The following REDIC1 variants were observed in gnomAD, a reference collection of about 807,000 sequenced individuals.
The protein encoded by REDIC1 is regulator of DNA class I crossover intermediates 1.
chr12:39,786,268 C>T, the REDIC1 span, among the ~76,000 whole-genome samples: 5 of 152,078 alleles, frequency 3.3e-5, no homozygotes, highest in African/African-American at 9.6e-5. Context: ...CTCGTGATAG[C>T]GAATAAGTCT....
the REDIC1 span, among the ~76,000 whole-genome samples, chr12:39,796,290 G>C: frequency 6.6e-6 from 1 of 151,754 alleles, no homozygotes; most frequent in African/African-American, 2.4e-5. Context: ...TTGGAATGTG[G>C]GCAGAAATAC....
chr12:39,742,855 TAG>T, the REDIC1 span, among the ~76,000 whole-genome samples: 3 of 152,032 alleles, frequency 2.0e-5, no homozygotes, highest in African/African-American at 7.2e-5. Context: ...GACAGATGGA[TAG>T]AGAGAATTAC....
chr12:39,759,108 G>GACTC, the REDIC1 span: 1 of 152,348 alleles, frequency 6.6e-6, no homozygotes, highest in East Asian at 1.9e-4. Context: ...GAAATAGTAG[G>GACTC]ACTCCAAGGC....
chr12:39,714,271 A>T, the REDIC1 span, among the ~76,000 whole-genome samples: 19,630 of 33,922 alleles, frequency 0.58, 5,566 homozygotes, highest in Middle Eastern at 0.75. Context: ...GCATATATGT[A>T]TATATGTATA....
At chr12:39,663,565 A>C in the REDIC1 span, among the ~76,000 whole-genome samples, 1 of 151,992 alleles carries the variant, frequency 6.6e-6, no homozygotes, top group African/African-American at 2.4e-5. Flanking sequence ...GGGAAATTTT[A>C]ATCAGTTTAC....
chr12:39,773,392 G>A, the REDIC1 span, among the ~76,000 whole-genome samples: 1 of 152,140 alleles, frequency 6.6e-6, no homozygotes, highest in Non-Finnish European at 1.5e-5. Context: ...TTCCAATCAT[G>A]GAATACACAG....
chr12:39,647,607 G>C, the REDIC1 span, among the ~76,000 whole-genome samples: 1 of 152,028 alleles, frequency 6.6e-6, no homozygotes, highest in Non-Finnish European at 1.5e-5. Context: ...CTTCAGTATA[G>C]CCTTCACTGG....
the REDIC1 span, among the ~76,000 whole-genome samples, chr12:39,783,320 G>A: frequency 1.2e-4 from 18 of 152,132 alleles, no homozygotes; most frequent in African/African-American, 2.7e-4. Context: ...GAATAGTGCC[G>A]CAATAAACAT....
At chr12:39,682,882 A>T in the REDIC1 span, 1 of 1,612,740 alleles carries the variant, frequency 6.2e-7, no homozygotes, top group Non-Finnish European at 8.5e-7. Context: ...GAAAACATTT[A>T]ACAAGTGTGA....
At chr12:39,706,986 C>A in the REDIC1 span, among the ~76,000 whole-genome samples, 1 of 151,624 alleles carries the variant, frequency 6.6e-6, no homozygotes, top group Non-Finnish European at 1.5e-5. Context: ...GGAACCAAAG[C>A]AAAAATGGAC....
the REDIC1 span, among the ~76,000 whole-genome samples, chr12:39,851,743 T>G: frequency 6.6e-6 from 1 of 152,240 alleles, no homozygotes; most frequent in Non-Finnish European, 1.5e-5. Flanking sequence ...ATATGGAATA[T>G]TTAAGACATG....
At chr12:39,783,369 T>C in the REDIC1 span, among the ~76,000 whole-genome samples, 1 of 152,310 alleles carries the variant, frequency 6.6e-6, no homozygotes, top group East Asian at 1.9e-4. Context: ...GATTTATAAT[T>C]CTTTGGGTAT....
At chr12:39,702,036 A>G in the REDIC1 span, among the ~76,000 whole-genome samples, 4 of 152,114 alleles carry the variant, frequency 2.6e-5, no homozygotes, top group Non-Finnish European at 4.4e-5. Context: ...AGAACTAGAA[A>G]AGCAAGAGCA....
chr12:39,779,053 TC>T, the REDIC1 span, among the ~76,000 whole-genome samples: 1 of 152,044 alleles, frequency 6.6e-6, no homozygotes, highest in African/African-American at 2.4e-5. Context: ...TGAGACACTT[TC>T]CCCCAGGAAG....
At chr12:39,659,112 G>A in the REDIC1 span, among the ~76,000 whole-genome samples, 16 of 151,868 alleles carry the variant, frequency 1.1e-4, no homozygotes, top group Non-Finnish European at 2.2e-4. Flanking sequence ...TTGTATATTT[G>A]CAAATTTCTG....
At chr12:39,701,512 C>A in the REDIC1 span, among the ~76,000 whole-genome samples, 1 of 152,106 alleles carries the variant, frequency 6.6e-6, no homozygotes, top group Admixed American at 6.5e-5. Context: ...ACCCCACTGT[C>A]AACATTAGAC....
the REDIC1 span, among the ~76,000 whole-genome samples, chr12:39,672,867 A>T: frequency 3.3e-5 from 5 of 152,144 alleles, no homozygotes; most frequent in Admixed American, 6.5e-5. Context: ...CTGGGCTATC[A>T]AATGATGCCC....
the REDIC1 span, among the ~76,000 whole-genome samples, chr12:39,853,022 T>A: frequency 6.6e-6 from 1 of 152,202 alleles, no homozygotes; most frequent in Admixed American, 6.5e-5. Context: ...GGAGTTTACT[T>A]TTGTTTCAGT....
chr12:39,843,986 C>T, the REDIC1 span, among the ~76,000 whole-genome samples: 4 of 151,880 alleles, frequency 2.6e-5, no homozygotes, highest in African/African-American at 9.7e-5. Context: ...ACACTCCACA[C>T]GTAGGTCATA....
Sources: gnomAD v4.1 joint callset for allele counts (sites outside exome capture counted in the v4.1 genomes callset) on GRCh38, gnomAD v4.1.1 for gene constraint, MANE v1.5 for transcripts, NCBI Gene and HGNC (gene_info 2026-07-23, HGNC 2026-07-21) for gene names.